ZNF142: variants seen among roughly 807,000 people sequenced by gnomAD.
The protein encoded by ZNF142 is zinc finger protein 142.
In ZNF142, 96 loss-of-function variants were observed where a neutral mutation model predicts 132.1. The observed-to-expected ratio is 0.73, with a 90% CI of 0.62 to 0.86. ZNF142 has a LOEUF of 0.86. ZNF142 is among the 40% of genes least tolerant of loss of function. The pLI is 0.00. For missense variants in ZNF142, 2,163 were observed against 2,336.2 expected, an observed-to-expected ratio of 0.93 and a Z score of 1.53; for synonymous variants, 842 against 890.1, an observed-to-expected ratio of 0.95 and a Z score of 0.96.
rs779628941 is a variant in ZNF142, at chr2:218,656,134, G to C, written c.280+16C>G. ...AGCTGCTTGTCCCACTGGCCTGCTT[G>C]CAACTGTGTTTGTACCTGGGGTCTC... On this transcript the variant is annotated intron_variant, in intron 4 of 10. Coordinates refer to ENST00000411696, the MANE Select transcript of ZNF142 (RefSeq NM_001379659.1). 26 of 1,518,690 alleles carry C rather than the reference G, an allele frequency of 1.7e-5. No individual in the cohort carries two copies. Among genetic ancestry groups the C allele is most frequent in the Non-Finnish European group, 2.3e-5 (26 of 1,126,266 alleles). 94.1% of individuals were successfully genotyped at this position (1,518,690 alleles called of 1,614,324 possible). A position where few individuals can be genotyped will look rare whatever the true frequency, so the allele number is the denominator to read the frequency against.
At chr2:218,651,528 C>T (rs1204573242) in intron 5 of ZNF142, among the ~76,000 whole-genome samples, 173 bp downstream of exon 5, 1 of 152,240 alleles carries the variant, frequency 6.6e-6, no homozygotes, top group East Asian at 1.9e-4. Flanking sequence ...CCCATATATT[C>T]CAACTGTTTC....
Position 218,651,955 on chromosome 2 carries a change from C to T in ZNF142, c.626G>A (p.Gly209Asp). The change falls in exon 5 of 11, where the codon GGT (glycine) becomes GAT (aspartate). Residue 209 changes from glycine (G) to aspartate (D), a missense_variant. Gly to Asp is a moderately conservative substitution (Grantham distance 94). Transcript: ENST00000411696. ...GCVFSAEDRK[G>D]LQHHLRQTHR... ...AGTCTGCCTCAGGTGGTGCTGCAGA[C>T]CCTTGCGATCTTCAGCAGAGAACAC... 2.0e-6 allele frequency: 2 copies of T among 1,021,740 alleles called. No homozygotes were observed. The highest frequency in any genetic ancestry group is 2.7e-6 in the Non-Finnish European group (2 of 743,810). The allele number at this position is 1,021,740 out of a possible 1,614,324, so 63.3% of individuals were successfully genotyped here. A position where few individuals can be genotyped will look rare whatever the true frequency, so the allele number is the denominator to read the frequency against.
intron 3 of ZNF142, among the ~76,000 whole-genome samples, chr2:218,657,665 G>A (rs765073591): frequency 2.6e-5 from 4 of 152,086 alleles, no homozygotes; most frequent in Non-Finnish European, 5.9e-5. Context: ...CCAGAACTCA[G>A]GTGATCCACC....
chr2:218,633,614 C>G lies in ZNF142; in HGVS notation c.*4725G>C. The G allele has an allele frequency of 2.5e-6, 4 of 1,613,498 alleles. No individual in the cohort carries two copies. The highest frequency in any genetic ancestry group is 2.2e-5 in the South Asian group (2 of 91,060). ...TTTCCACCTTCTCCAGAAATCCAAG[C>G]CCATCTTGTGTCCAGCCCTCTCTTC... is the stretch of plus-strand genomic sequence containing the variant. On this transcript the variant is annotated 3_prime_UTR_variant, in exon 11 of 11. Coordinates refer to ENST00000411696, the MANE Select transcript of ZNF142 (RefSeq NM_001379659.1).
intron 8 of ZNF142, among the ~76,000 whole-genome samples, 180 bp from the exon 9 acceptor site, chr2:218,645,244 C>A (rs915891585): frequency 6.6e-6 from 1 of 152,158 alleles, no homozygotes; most frequent in Non-Finnish European, 1.5e-5. Context: ...GTGAGAAAAA[C>A]TAAATCACAG....
intron 7 of ZNF142, among the ~76,000 whole-genome samples, chr2:218,647,017 G>T (rs1697785821): frequency 6.6e-6 from 1 of 152,058 alleles, no homozygotes; most frequent in Non-Finnish European, 1.5e-5. Context: ...CAACAGAACA[G>T]AATGGTCAAG....
chr2:218,644,831 T>C lies in ZNF142; in HGVS notation c.2285A>G (p.His762Arg). 6.2e-7 allele frequency: 1 copy of C among 1,614,222 alleles called. No homozygotes were observed. Among genetic ancestry groups the C allele is most frequent in the Non-Finnish European group, 8.5e-7 (1 of 1,180,032 alleles). Residue 762 changes from histidine (H) to arginine (R), a missense_variant, in exon 9 of 11, where the codon CAT (histidine) becomes CGT (arginine). Physicochemically the swap from His to Arg is conservative, Grantham distance 29. This residue lies in a region of ZNF142 where 749 missense variants were observed against 830.3 expected (regional missense o/e 0.90). Transcript: ENST00000411696. The surrounding 1 kb of genome is among the most constrained non-coding windows in gnomAD (Gnocchi z 4.6). ...GAGGCGGGTATGCTTGCAGTTCTCA[T>C]GGCTCAGCACAGCCTGCTTGTGGCG... ...QSRHKQAVLS[H>R]ENCKHTRLRE...
intron 9 of ZNF142, among the ~76,000 whole-genome samples, chr2:218,641,037 C>T (rs147448649): frequency 0.013 from 1,934 of 151,230 alleles, 46 homozygotes; most frequent in African/African-American, 0.044. Context: ...TGGGCTAAAG[C>T]GATCCTCCCA....
chr2:218,647,903 G>A (rs1224084091), intron 7 of ZNF142, among the ~76,000 whole-genome samples: 2 of 152,154 alleles, frequency 1.3e-5, no homozygotes, highest in Non-Finnish European at 2.9e-5. Flanking sequence ...TAAGCCTTTT[G>A]GAAAGACCTC....
In ZNF142 at chr2:218,636,173, C is replaced by A; in HGVS notation, c.*2166G>T. ...GATTGCCATCTAGATTAAATGAGAACACAAGAAAAGCAACCCAGTCAAGAA... is the reference window on the plus strand; with the variant it reads ...GATTGCCATCTAGATTAAATGAGAAAACAAGAAAAGCAACCCAGTCAAGAA... On this transcript the variant is annotated 3_prime_UTR_variant, in exon 11 of 11. Coordinates refer to ENST00000411696, the MANE Select transcript of ZNF142 (RefSeq NM_001379659.1). 6.5e-7 allele frequency: 1 copy of A among 1,527,138 alleles called. No individual in the cohort carries two copies. The allele number at this position is 1,527,138 out of a possible 1,614,324, so 94.6% of individuals were successfully genotyped here.
chr2:218,655,566 G>A (rs1938406309), intron 4 of ZNF142, among the ~76,000 whole-genome samples: 1 of 151,916 alleles, frequency 6.6e-6, no homozygotes, highest in Non-Finnish European at 1.5e-5. Context: ...CATAACATAC[G>A]GCAGCCTCTA....
At position 218,643,341 on chromosome 2, in the gene ZNF142, G is replaced by A. The variant is rs546151500; in HGVS notation, c.3775C>T (p.Arg1259Ter). The stretch of plus-strand genomic sequence containing the variant: ...TCAGGCTGGGTCTGGGGGGTCCCTC[G>A]TTTTCCTCCCCCGCCACGTCCCCCC... ...CRGGRGGGGK[R>*]GTPQTQPDVS... Residue 1259 changes from arginine to a stop codon, truncating the protein, a stop_gained, in exon 9 of 11, where the codon CGA becomes TGA. Coordinates refer to ENST00000411696, the MANE Select transcript of ZNF142 (RefSeq NM_001379659.1). LOFTEE classifies it high-confidence loss of function. 31 of 1,614,132 alleles carry A rather than the reference G, an allele frequency of 1.9e-5. No individual in the cohort carries two copies. Among genetic ancestry groups the A allele is most frequent in the East Asian group, 6.7e-5 (3 of 44,888 alleles).
In ZNF142 at chr2:218,636,378, C is replaced by G; in HGVS notation, c.*1961G>C. 2 of 1,614,058 alleles carry G rather than the reference C, an allele frequency of 1.2e-6. No homozygotes were observed. Among genetic ancestry groups the G allele is most frequent in the South Asian group, 2.2e-5 (2 of 91,088 alleles). Reference sequence around the variant, plus strand: ...ATTGGTCAGTACACCCTGCCTTGGACCTGCATGCAACAAGGTGAGCCAGCC... The same window carrying G: ...ATTGGTCAGTACACCCTGCCTTGGAGCTGCATGCAACAAGGTGAGCCAGCC... On this transcript the variant is annotated 3_prime_UTR_variant, in exon 11 of 11. Transcript: ENST00000411696.
Position 218,650,223 on chromosome 2 carries a change from C to T in ZNF142, c.1048+136G>A, listed in dbSNP as rs188884043. 828 of 1,073,248 alleles carry T rather than the reference C, an allele frequency of 7.7e-4. 12 individuals carry two copies. In the East Asian group the frequency reaches 0.016, roughly 21 times the overall value. 66.5% of individuals were successfully genotyped at this position (1,073,248 alleles called of 1,614,324 possible). On this transcript the variant is annotated intron_variant, in intron 6 of 10. Transcript: ENST00000411696. ...TTATCATTTTCCCACTAGACCTTGACTTTTGAGTCAAGGTAGAACAGAATA... is the reference window on the plus strand; with the variant it reads ...TTATCATTTTCCCACTAGACCTTGATTTTTGAGTCAAGGTAGAACAGAATA...
At position 218,636,159 on chromosome 2, in the gene ZNF142, A is replaced by G. The variant is rs1696729705; in HGVS notation, c.*2180T>C. 3 of 1,461,504 alleles carry G rather than the reference A, an allele frequency of 2.1e-6. No homozygotes were observed. Among genetic ancestry groups the G allele is most frequent in the Non-Finnish European group, 2.9e-6 (3 of 1,051,096 alleles). 90.5% of individuals were successfully genotyped at this position (1,461,504 alleles called of 1,614,324 possible). A position where few individuals can be genotyped will look rare whatever the true frequency, so the allele number is the denominator to read the frequency against. ...ACCTGTAAAATGCTGATTGCCATCT[A>G]GATTAAATGAGAACACAAGAAAAGC... On this transcript the variant is annotated 3_prime_UTR_variant, in exon 11 of 11. Coordinates refer to ENST00000411696, the MANE Select transcript of ZNF142 (RefSeq NM_001379659.1).
chr2:218,633,589 T>C lies in ZNF142; in HGVS notation c.*4750A>G, dbSNP rs747016552. The C allele has an allele frequency of 6.2e-7, 1 of 1,611,682 alleles. No homozygotes were observed. Among genetic ancestry groups the C allele is most frequent in the South Asian group, 1.1e-5 (1 of 91,028 alleles). ...TGCTGAGGGTTCAATTCCATCTTCT[T>C]TTCCACCTTCTCCAGAAATCCAAGC... On this transcript the variant is annotated 3_prime_UTR_variant, in exon 11 of 11. Transcript: ENST00000411696.
In ZNF142 at chr2:218,633,590, T is replaced by C. The variant is rs910553663; in HGVS notation, c.*4749A>G. On this transcript the variant is annotated 3_prime_UTR_variant, in exon 11 of 11. Transcript: ENST00000411696. ...GCTGAGGGTTCAATTCCATCTTCTT[T>C]TCCACCTTCTCCAGAAATCCAAGCC... is the stretch of plus-strand genomic sequence containing the variant. The C allele has an allele frequency of 1.9e-6, 3 of 1,611,680 alleles. No homozygotes were observed. Among genetic ancestry groups the C allele is most frequent in the Admixed American group, 1.7e-5 (1 of 59,986 alleles).
In ZNF142 at chr2:218,634,643, T is replaced by G. The variant is rs1161235386; in HGVS notation, c.*3696A>C. ...TCTCTTAATCCAGGTACAGTGGAAA[T>G]AAACTGTTGGGAAGAAACTGAGATA... is the stretch of plus-strand genomic sequence containing the variant. On this transcript the variant is annotated 3_prime_UTR_variant, in exon 11 of 11. Coordinates refer to ENST00000411696, the MANE Select transcript of ZNF142 (RefSeq NM_001379659.1). This position sits in a 1 kb window ranked among gnomAD's most constrained non-coding sequence, Gnocchi z 4.0. 4 of 1,611,480 alleles carry G rather than the reference T, an allele frequency of 2.5e-6. No homozygotes were observed. The highest frequency in any genetic ancestry group is 3.4e-6 in the Non-Finnish European group (4 of 1,178,764).
chr2:218,647,300 G>A (rs986196980), intron 7 of ZNF142, among the ~76,000 whole-genome samples: 13 of 151,460 alleles, frequency 8.6e-5, no homozygotes, highest in African/African-American at 3.2e-4. Context: ...GTAGATGCCT[G>A]TAGTCCCAGC....
Sources: allele counts gnomAD v4.1 joint callset (sites outside exome capture counted in the v4.1 genomes callset), GRCh38; gene constraint gnomAD v4.1.1; regional missense constraint gnomAD v4.1.1; non-coding constraint Gnocchi (gnomAD v3.1); transcripts MANE v1.5; gene names NCBI Gene and HGNC (gene_info 2026-07-23, HGNC 2026-07-21).